Variants in CSMD1 observed in about 807,000 individuals in gnomAD.
CSMD1 encodes CUB and Sushi multiple domains 1, also known as CUB and sushi domain-containing protein 1.
In CSMD1, 213 loss-of-function variants were observed where a neutral mutation model predicts 417.5. The ratio of observed to expected loss-of-function variants is 0.51; its 90% CI spans 0.46 to 0.57. CSMD1 has a LOEUF of 0.57. Ranked by LOEUF, CSMD1 falls within the 20% of genes least tolerant of loss-of-function variation. The pLI is 0.00. For missense variants in CSMD1, 6,923 were observed against 4,529.7 expected (o/e 1.53, Z -15.17); for synonymous variants, 2,862 against 1,736.8 (o/e 1.65, Z -16.11).
chr8:4,970,602 C>T (rs764884344), intron 1 of CSMD1, among the ~76,000 whole-genome samples: 24 of 151,928 alleles, frequency 1.6e-4, no homozygotes, highest in Non-Finnish European at 2.8e-4. Context: ...CCAGAAATAT[C>T]TCTACTCTTT....
chr8:3,739,184 A>T (rs1467891369), intron 6 of CSMD1, among the ~76,000 whole-genome samples: 4 of 152,202 alleles, frequency 2.6e-5, no homozygotes, highest in African/African-American at 9.6e-5. Flanking sequence ...TGCATGCCGG[A>T]TACTGTAAGG....
At chr8:4,118,010 TAA>T (rs1180316514) in intron 3 of CSMD1, among the ~76,000 whole-genome samples, 1 of 147,964 alleles carries the variant, frequency 6.8e-6, no homozygotes, top group African/African-American at 2.5e-5. Flanking sequence ...ATGACATAGG[TAA>T]AAAAAAGTTT....
At position 4,212,762 on chromosome 8, in the gene CSMD1, T is replaced by A. The variant is rs985017465; in HGVS notation, c.416-180663A>T. Among the ~76,000 whole-genome samples the A allele has an allele frequency of 4.0e-5, 6 of 148,864 alleles. No individual in the cohort carries two copies. The East Asian group carries it at 7.9e-4, about 20-fold the overall frequency. ...ACAGCGGCCTTATTCTTTTTTTTTT[T>A]TTTTTTTTTTTTTTACAAGCTATTG... On this transcript the variant is annotated intron_variant, in intron 3 of 69. Transcript: ENST00000635120.
intron 7 of CSMD1, among the ~76,000 whole-genome samples, chr8:3,676,665 T>C (rs1294376442): frequency 6.6e-6 from 1 of 152,192 alleles, no homozygotes; most frequent in African/African-American, 2.4e-5. Flanking sequence ...GTAGAGTATA[T>C]GAATCAAGTT....
At chr8:3,300,801 C>CA (rs201303601) in intron 25 of CSMD1, among the ~76,000 whole-genome samples, 3,910 of 148,428 alleles carry the variant, frequency 0.026, 158 homozygotes, top group African/African-American at 0.086. Context: ...ACTAAAAATA[C>CA]AAAAAAAATT....
intron 8 of CSMD1, among the ~76,000 whole-genome samples, chr8:3,607,256 C>A (rs193205665): frequency 3.3e-4 from 50 of 152,278 alleles, no homozygotes; most frequent in African/African-American, 1.2e-3. Flanking sequence ...GCTTGTCCCA[C>A]TGGGAAGTCT....
At chr8:4,620,570 A>C (rs773494057) in intron 2 of CSMD1, among the ~76,000 whole-genome samples, 2 of 151,834 alleles carry the variant, frequency 1.3e-5, no homozygotes, top group Non-Finnish European at 2.9e-5. Context: ...ATATTTTTTA[A>C]CTGCAGTAGA....
chr8:3,123,178 C>G (rs547753993), intron 41 of CSMD1, among the ~76,000 whole-genome samples: 3 of 152,156 alleles, frequency 2.0e-5, no homozygotes, highest in African/African-American at 4.8e-5. Flanking sequence ...AAATCAGCAT[C>G]TCTCTCTTTC....
chr8:4,090,171 G>A (rs1013176514), intron 3 of CSMD1, among the ~76,000 whole-genome samples: 3 of 152,128 alleles, frequency 2.0e-5, no homozygotes, highest in Non-Finnish European at 4.4e-5. Flanking sequence ...ACTGTTTTGA[G>A]TGTAACCTCC....
chr8:3,668,606 C>A (rs555674821), intron 7 of CSMD1, among the ~76,000 whole-genome samples: 1 of 151,942 alleles, frequency 6.6e-6, no homozygotes, highest in Non-Finnish European at 1.5e-5. Context: ...GCAAAAGAGA[C>A]GAAGCCCTGG....
chr8:3,490,757 C>G (rs529246402), intron 11 of CSMD1, among the ~76,000 whole-genome samples: 8 of 152,266 alleles, frequency 5.3e-5, no homozygotes, highest in Admixed American at 2.0e-4. Flanking sequence ...CTGTTCCCAA[C>G]CCTGTCCCAG....
chr8:4,638,355 G>C (rs1585373283), intron 1 of CSMD1, among the ~76,000 whole-genome samples: 1 of 152,212 alleles, frequency 6.6e-6, no homozygotes, highest in East Asian at 1.9e-4. Flanking sequence ...CAATACGCCA[G>C]TGATTGATCG....
intron 5 of CSMD1, among the ~76,000 whole-genome samples, chr8:3,985,238 A>T (rs531575081): frequency 6.6e-6 from 1 of 152,174 alleles, no homozygotes; most frequent in African/African-American, 2.4e-5. Flanking sequence ...TTATAAATTG[A>T]AGTCCCATTT....
At chr8:3,485,858 G>C (rs969531512) in intron 11 of CSMD1, among the ~76,000 whole-genome samples, 4 of 151,520 alleles carry the variant, frequency 2.6e-5, no homozygotes, top group African/African-American at 9.7e-5. Context: ...AATAAGATCA[G>C]TGGATCATAT....
intron 2 of CSMD1, among the ~76,000 whole-genome samples, chr8:4,568,200 A>C (rs559385950): frequency 6.6e-6 from 1 of 152,304 alleles, no homozygotes; most frequent in East Asian, 1.9e-4. Flanking sequence ...CCAGTTTGAC[A>C]CATGGGTATA....
intron 5 of CSMD1, among the ~76,000 whole-genome samples, chr8:3,959,116 A>T (rs1330297143): frequency 6.6e-6 from 1 of 152,176 alleles, no homozygotes; most frequent in Non-Finnish European, 1.5e-5. Flanking sequence ...TTTCACTTTT[A>T]TATCGCACAC....
intron 5 of CSMD1, among the ~76,000 whole-genome samples, chr8:3,972,775 T>C (rs1813175899): frequency 6.6e-6 from 1 of 152,226 alleles, no homozygotes; most frequent in Non-Finnish European, 1.5e-5. Context: ...TATTCAATGA[T>C]CTAGCACATT....
chr8:4,163,643 T>G (rs181238902), intron 3 of CSMD1, among the ~76,000 whole-genome samples: 79 of 152,250 alleles, frequency 5.2e-4, no homozygotes, highest in African/African-American at 1.9e-3. Flanking sequence ...ATATGGTAAG[T>G]GGAGTAAAAT....
At chr8:4,601,832 C>T (rs530678388) in intron 2 of CSMD1, among the ~76,000 whole-genome samples, 11 of 152,252 alleles carry the variant, frequency 7.2e-5, no homozygotes, top group Non-Finnish European at 8.8e-5. Context: ...CTGAGGTTAG[C>T]GTGCATCTTT....
Sources: allele counts gnomAD v4.1 joint callset (sites outside exome capture counted in the v4.1 genomes callset), GRCh38; gene constraint gnomAD v4.1.1; transcripts MANE v1.5; gene names NCBI Gene and HGNC (gene_info 2026-07-23, HGNC 2026-07-21).